Variants in USP45 observed in about 807,000 individuals in gnomAD.
USP45 encodes ubiquitin specific peptidase 45.
In USP45, 89 loss-of-function variants were observed where a neutral mutation model predicts 95.8. The ratio of observed to expected loss-of-function variants is 0.93; its 90% CI spans 0.78 to 1.11. The LOEUF (loss-of-function observed/expected upper bound fraction) is 1.11. Among genes scored for constraint, USP45 ranks in the 50% least tolerant of loss-of-function variants. The pLI is 0.00. For missense variants in USP45, 898 were observed against 942.5 expected (o/e 0.95, Z 0.62); for synonymous variants, 281 against 316.2 (o/e 0.89, Z 1.18).
chr6:99,512,818 T>C (rs994197), intron 1 of USP45, among the ~76,000 whole-genome samples: 129,487 of 152,122 alleles, frequency 0.85, 55,823 homozygotes, highest in East Asian at 0.99. Context: ...CCCTCCAAAC[T>C]TCCTCATCTA....
chr6:99,499,348 T>G (rs1796935707), intron 5 of USP45, among the ~76,000 whole-genome samples: 1 of 152,230 alleles, frequency 6.6e-6, no homozygotes, highest in Non-Finnish European at 1.5e-5. Context: ...GTTTCACGAT[T>G]ACCATTTAGT....
chr6:99,484,633 G>C (rs544581209), intron 7 of USP45, among the ~76,000 whole-genome samples: 1 of 152,028 alleles, frequency 6.6e-6, no homozygotes, highest in African/African-American at 2.4e-5. Context: ...CTCCGTCTCT[G>C]CAAAAAAAAT....
At chr6:99,482,708 AT>A in intron 8 of USP45, 44 bp downstream of exon 8, 1 of 1,538,336 alleles carries the variant, frequency 6.5e-7, no homozygotes, top group Non-Finnish European at 8.8e-7. Flanking sequence ...ATACATTAGT[AT>A]TTTGTAACTC....
At chr6:99,493,865 G>A (rs1488937339) in intron 5 of USP45, among the ~76,000 whole-genome samples, 4 of 152,144 alleles carry the variant, frequency 2.6e-5, no homozygotes, top group African/African-American at 9.7e-5. Flanking sequence ...TTTGTTTTCA[G>A]AGATAACAAA....
chr6:99,450,897 C>T lies in USP45; in HGVS notation c.1309-4434G>A, dbSNP rs1250003370. 3.3e-5 allele frequency among the ~76,000 whole-genome samples: 5 copies of T among 152,240 alleles called. No individual in the cohort carries two copies. The South Asian group carries it at 6.2e-4, about 19-fold the overall frequency. ...GGTTCAACATATGCAAATCAATAAA[C>T]GTAATCCATCATATAAACAGAACCA... On this transcript the variant is annotated intron_variant, in intron 13 of 17. Transcript: ENST00000500704.
intron 5 of USP45, among the ~76,000 whole-genome samples, chr6:99,499,294 T>C (rs1227130693): frequency 6.6e-6 from 1 of 152,156 alleles, no homozygotes; most frequent in Non-Finnish European, 1.5e-5. Flanking sequence ...AACACAATAA[T>C]ACAGTTTCAT....
chr6:99,464,177 A>G (rs1486450352), intron 13 of USP45, among the ~76,000 whole-genome samples: 1 of 150,926 alleles, frequency 6.6e-6, no homozygotes, highest in African/African-American at 2.4e-5. Flanking sequence ...GTGGTGGCAC[A>G]TGCCTGTAAT....
In USP45 at chr6:99,451,096, C is replaced by T. The variant is rs570671489; in HGVS notation, c.1309-4633G>A. 9.4e-3 allele frequency among the ~76,000 whole-genome samples: 1,426 copies of T among 152,304 alleles called. 10 individuals are homozygous for T. Among genetic ancestry groups the T allele is most frequent in the Non-Finnish European group, 0.015 (997 of 68,022 alleles). On this transcript the variant is annotated intron_variant, in intron 13 of 17. Transcript: ENST00000500704. ...CAATATCATACTGAATGGGCAAAAA[C>T]TGGAAGCATTCCCTTTGAAAACTGG... is the stretch of plus-strand genomic sequence containing the variant.
intron 15 of USP45, among the ~76,000 whole-genome samples, 194 bp downstream of exon 15, chr6:99,443,371 A>G (rs1320592615): frequency 6.6e-6 from 1 of 152,208 alleles, no homozygotes; most frequent in East Asian, 1.9e-4. Context: ...TAAATTTTCA[A>G]ATATTGTGAA....
At chr6:99,483,823 C>A (rs1231648006) in intron 7 of USP45, among the ~76,000 whole-genome samples, 2 of 94,802 alleles carry the variant, frequency 2.1e-5, no homozygotes, top group Admixed American at 1.6e-4. Context: ...CCGGCCTGGG[C>A]GACAGAGCGA....
At chr6:99,441,477 A>G (rs536812935) in intron 15 of USP45, among the ~76,000 whole-genome samples, 1 of 152,112 alleles carries the variant, frequency 6.6e-6, no homozygotes, top group East Asian at 1.9e-4. Context: ...GGTTGCAGTG[A>G]GCCGAGATCG....
chr6:99,479,377 A>C (rs1343262924), intron 8 of USP45, among the ~76,000 whole-genome samples: 1 of 151,656 alleles, frequency 6.6e-6, no homozygotes, highest in East Asian at 1.9e-4. Context: ...ACCTCTGGCT[A>C]ATTTTTTTTT....
chr6:99,483,576 C>T lies in USP45; in HGVS notation c.715-693G>A, dbSNP rs186566170. 1.9e-3 allele frequency among the ~76,000 whole-genome samples: 282 copies of T among 152,194 alleles called. 2 individuals carry two copies. The highest frequency in any genetic ancestry group is 5.8e-3 in the East Asian group (30 of 5,178). On this transcript the variant is annotated intron_variant, in intron 7 of 17. Coordinates refer to ENST00000500704, the MANE Select transcript of USP45 (RefSeq NM_001346022.3). Reference sequence around the variant, plus strand: ...TCTTCCGGCCGGGCGCGGTGGCTCACGCCTGTAATCCCAGCACTTTGGGAG... The same window carrying T: ...TCTTCCGGCCGGGCGCGGTGGCTCATGCCTGTAATCCCAGCACTTTGGGAG...
intron 1 of USP45, among the ~76,000 whole-genome samples, chr6:99,514,140 C>T (rs1431761708): frequency 1.3e-5 from 2 of 152,174 alleles, no homozygotes; most frequent in African/African-American, 4.8e-5. Flanking sequence ...TAGTTGAATT[C>T]ATGGCTGACA....
intron 5 of USP45, among the ~76,000 whole-genome samples, chr6:99,503,493 G>A (rs547687272): frequency 8.6e-5 from 13 of 151,916 alleles, no homozygotes; most frequent in Admixed American, 4.6e-4. Context: ...TACCGTACCC[G>A]GCTAATTTTT....
upstream of USP45, among the ~76,000 whole-genome samples, chr6:99,515,740 C>T (rs1801043490): frequency 6.7e-6 from 1 of 148,792 alleles, no homozygotes; most frequent in African/African-American, 2.5e-5. Flanking sequence ...AAACAGCCTC[C>T]GATTTCCCTC....
intron 10 of USP45, 27 bp downstream of exon 10, chr6:99,468,510 A>G (rs1305936067): frequency 6.9e-7 from 1 of 1,441,770 alleles, no homozygotes; most frequent in Non-Finnish European, 9.5e-7. Context: ...TCTTAAAGAA[A>G]AAAGTTTTAA....
At chr6:99,475,033 C>T (rs999842805) in intron 9 of USP45, among the ~76,000 whole-genome samples, 1 of 152,124 alleles carries the variant, frequency 6.6e-6, no homozygotes, top group African/African-American at 2.4e-5. Context: ...CTCCTAGCCA[C>T]AAACAACTGA....
At position 99,441,335 on chromosome 6, in the gene USP45, C is replaced by T. The variant is rs561205197; in HGVS notation, c.2074-1480G>A. Among the ~76,000 whole-genome samples, 5 of 152,214 alleles carry T rather than the reference C, an allele frequency of 3.3e-5. No individual in the cohort carries two copies. The East Asian group carries it at 9.7e-4, about 29-fold the overall frequency. On this transcript the variant is annotated intron_variant, in intron 15 of 17. Coordinates refer to ENST00000500704, the MANE Select transcript of USP45 (RefSeq NM_001346022.3). ...TCACCTGAGGTCAGGAGTTCAAGACCAGCCTGACTGACATGGTAAAACCCT... is the reference window on the plus strand; with the variant it reads ...TCACCTGAGGTCAGGAGTTCAAGACTAGCCTGACTGACATGGTAAAACCCT...
Sources: gnomAD v4.1 joint callset for allele counts (sites outside exome capture counted in the v4.1 genomes callset) on GRCh38, gnomAD v4.1.1 for gene constraint, MANE v1.5 for transcripts, NCBI Gene and HGNC (gene_info 2026-07-23, HGNC 2026-07-21) for gene names.